Variants in SLC8A1 observed in about 807,000 individuals in gnomAD.
SLC8A1 encodes the protein solute carrier family 8 member A1.
A neutral mutation model predicts 68.3 loss-of-function variants in SLC8A1; 18 were observed. The ratio of observed to expected loss-of-function variants is 0.26; its 90% confidence interval spans 0.18 to 0.39. SLC8A1 has a LOEUF of 0.39. Ranked by LOEUF, SLC8A1 falls within the 10% of genes least tolerant of loss-of-function variation. The pLI is 1.00. For synonymous variants in SLC8A1, 475 were observed against 415.5 expected, an observed-to-expected ratio of 1.14 and a Z score of -1.74; for missense variants, 985 against 1,156.7, an observed-to-expected ratio of 0.85 and a Z score of 2.15.
intron 1 of SLC8A1, among the ~76,000 whole-genome samples, chr2:40,436,501 G>A (rs1017289078): frequency 5.3e-5 from 8 of 152,120 alleles, no homozygotes; most frequent in East Asian, 3.9e-4. Flanking sequence ...CCAGCATAAC[G>A]AGAGCACCTG....
chr2:40,458,060 T>C (rs1007650922), intron 1 of SLC8A1, among the ~76,000 whole-genome samples: 2 of 152,222 alleles, frequency 1.3e-5, no homozygotes, highest in African/African-American at 4.8e-5. Context: ...TTCAAGTTTT[T>C]TGGGATGGTT....
At chr2:40,457,602 G>T (rs1245284029) in intron 1 of SLC8A1, among the ~76,000 whole-genome samples, 2 of 152,158 alleles carry the variant, frequency 1.3e-5, no homozygotes, top group African/African-American at 4.8e-5. Context: ...GAAACTGTAT[G>T]CTCTCGTCTC....
intron 2 of SLC8A1, among the ~76,000 whole-genome samples, chr2:40,312,318 A>C (rs1319020469): frequency 3.9e-5 from 6 of 152,082 alleles, no homozygotes; most frequent in Admixed American, 2.6e-4. Context: ...AATAAAACAA[A>C]CTACCAGGGT....
At chr2:40,370,275 A>T (rs1367645697) in intron 2 of SLC8A1, among the ~76,000 whole-genome samples, 2 of 152,072 alleles carry the variant, frequency 1.3e-5, no homozygotes, top group Admixed American at 6.6e-5. Flanking sequence ...GAGCTCAGAC[A>T]TTTTTCTAGA....
At chr2:40,212,303 C>G (rs1260323138) in intron 2 of SLC8A1, among the ~76,000 whole-genome samples, 1 of 13,564 alleles carries the variant, frequency 7.4e-5, no homozygotes, top group Non-Finnish European at 2.9e-4. Flanking sequence ...TTTTTTTTTC[C>G]TGAGACAAGT....
rs1447023554 is a variant in SLC8A1, at chr2:40,152,660, C to T, written c.2161+8105G>A. Among the ~76,000 whole-genome samples, 6 of 151,750 alleles carry T rather than the reference C, an allele frequency of 4.0e-5. No homozygotes were observed. The South Asian group carries it at 8.3e-4, about 21-fold the overall frequency. On this transcript the variant is annotated intron_variant, in intron 6 of 7. Transcript: ENST00000406785. Reference sequence around the variant, plus strand: ...CAAACTCCTGGCCTCAAGTGATCCACCAGCCTCAGCCTCCCAAAGTGCTGG... The same window carrying T: ...CAAACTCCTGGCCTCAAGTGATCCATCAGCCTCAGCCTCCCAAAGTGCTGG...
chr2:40,323,820 A>G (rs1326686125), intron 2 of SLC8A1, among the ~76,000 whole-genome samples: 1 of 152,064 alleles, frequency 6.6e-6, no homozygotes, highest in Non-Finnish European at 1.5e-5. Context: ...ATGCCAGAAA[A>G]CTCAGTCTCT....
chr2:40,332,621 G>A (rs889943735), intron 2 of SLC8A1, among the ~76,000 whole-genome samples: 2 of 152,158 alleles, frequency 1.3e-5, no homozygotes, highest in African/African-American at 4.8e-5. Context: ...CTACCAAGCT[G>A]CAGAAAATAA....
chr2:40,386,154 G>A (rs1575946642), intron 2 of SLC8A1, among the ~76,000 whole-genome samples: 1 of 151,318 alleles, frequency 6.6e-6, no homozygotes, highest in Non-Finnish European at 1.5e-5. Context: ...TGAAATATAA[G>A]TTTACATATG....
intron 2 of SLC8A1, among the ~76,000 whole-genome samples, chr2:40,422,249 T>C (rs1178759336): frequency 6.7e-6 from 1 of 149,522 alleles, no homozygotes; most frequent in Non-Finnish European, 1.5e-5. Flanking sequence ...AATAAGGGAC[T>C]AATCGATGTT....
At chr2:40,438,300 T>C in intron 1 of SLC8A1, among the ~76,000 whole-genome samples, 1 of 152,158 alleles carries the variant, frequency 6.6e-6, no homozygotes, top group Non-Finnish European at 1.5e-5. Context: ...ATATACATGC[T>C]TTTATATCTA....
At chr2:40,329,053 T>C (rs1425142699) in intron 2 of SLC8A1, among the ~76,000 whole-genome samples, 1 of 132,282 alleles carries the variant, frequency 7.6e-6, no homozygotes, top group African/African-American at 3.0e-5. Context: ...CTCCTCACAC[T>C]ACAACCTCAC....
chr2:40,446,836 G>C (rs1701535421), intron 1 of SLC8A1, among the ~76,000 whole-genome samples: 1 of 152,210 alleles, frequency 6.6e-6, no homozygotes, highest in African/African-American at 2.4e-5. Context: ...AAAGCATTCA[G>C]ACTAGTCCCT....
At chr2:40,155,836 G>T (rs72792718) in intron 6 of SLC8A1, among the ~76,000 whole-genome samples, 6 of 152,102 alleles carry the variant, frequency 3.9e-5, no homozygotes, top group Admixed American at 3.9e-4. Context: ...GCTGGAACTG[G>T]GTCACTTTAA....
chr2:40,211,481 T>A (rs1183162700), intron 2 of SLC8A1, among the ~76,000 whole-genome samples: 1 of 152,164 alleles, frequency 6.6e-6, no homozygotes, highest in East Asian at 1.9e-4. Flanking sequence ...TATGTGGAAA[T>A]TTAGCAAAGG....
At chr2:40,210,570 G>C (rs12329007) in intron 2 of SLC8A1, among the ~76,000 whole-genome samples, 17,734 of 152,208 alleles carry the variant, frequency 0.12, 1,112 homozygotes, top group Non-Finnish European at 0.13. Context: ...GAATTTTAAG[G>C]GGGGAGAAAG....
intron 2 of SLC8A1, among the ~76,000 whole-genome samples, chr2:40,400,720 G>T (rs536341888): frequency 6.6e-6 from 1 of 152,148 alleles, no homozygotes; most frequent in East Asian, 1.9e-4. Flanking sequence ...AAAGGTACCA[G>T]TTCCCTTGCA....
intron 4 of SLC8A1, among the ~76,000 whole-genome samples, chr2:40,172,985 C>G (rs1233750795): frequency 2.6e-5 from 4 of 152,084 alleles, no homozygotes; most frequent in Non-Finnish European, 5.9e-5. Context: ...GAAAGATATT[C>G]AAACACGTCA....
intron 2 of SLC8A1, among the ~76,000 whole-genome samples, chr2:40,324,607 A>G (rs1014049261): frequency 6.6e-6 from 1 of 152,050 alleles, no homozygotes; most frequent in Admixed American, 6.6e-5. Context: ...ACAAAGTGGC[A>G]ATTTTGTTCA....
Sources: gnomAD v4.1 joint callset for allele counts (sites outside exome capture counted in the v4.1 genomes callset) on GRCh38, gnomAD v4.1.1 for gene constraint, MANE v1.5 for transcripts, NCBI Gene and HGNC (gene_info 2026-07-23, HGNC 2026-07-21) for gene names.